RBKS: variants seen among roughly 807,000 people sequenced by gnomAD.
RBKS encodes the protein ribokinase.
RBKS carries 33 observed loss-of-function variants against 33.9 expected under a neutral mutation model. The observed-to-expected ratio is 0.97, with a 90% confidence interval of 0.74 to 1.30. The LOEUF is 1.30. RBKS is among the 50% of genes most tolerant of loss of function. The pLI is 0.00. For missense variants in RBKS, 361 were observed against 392.6 expected (o/e 0.92, Z 0.68); for synonymous variants, 125 against 143.0 (o/e 0.87, Z 0.90).
At chr2:27,798,267 C>T (rs1677697796) in intron 7 of RBKS, among the ~76,000 whole-genome samples, 1 of 152,102 alleles carries the variant, frequency 6.6e-6, no homozygotes, top group Admixed American at 6.6e-5. Context: ...CCCAGACTCT[C>T]CTCTGTCTTT....
At chr2:27,790,339 G>A (rs1677498838) in intron 7 of RBKS, among the ~76,000 whole-genome samples, 1 of 152,114 alleles carries the variant, frequency 6.6e-6, no homozygotes, top group African/African-American at 2.4e-5. Flanking sequence ...AAATGTAAGA[G>A]TTGAAACAAC....
intron 5 of RBKS, 131 bp from the exon 6 acceptor site, chr2:27,832,908 C>T (rs1347341868): frequency 1.2e-5 from 8 of 646,904 alleles, no homozygotes; most frequent in Non-Finnish European, 2.2e-5. Context: ...CACTTAGTTA[C>T]GGATGTAGAG....
At chr2:27,784,571 A>G (rs1261057548) in intron 7 of RBKS, among the ~76,000 whole-genome samples, 1 of 152,232 alleles carries the variant, frequency 6.6e-6, no homozygotes, top group African/African-American at 2.4e-5. Flanking sequence ...TGCCTCTGCC[A>G]GAAGGGAGTC....
intron 2 of RBKS, among the ~76,000 whole-genome samples, chr2:27,851,849 A>G (rs932311687): frequency 5.3e-5 from 8 of 152,158 alleles, no homozygotes; most frequent in African/African-American, 1.7e-4. Context: ...GTCATGTTCC[A>G]TTCTTGAAGG....
rs1664557597 is a variant in RBKS at position 27,887,420 on chromosome 2, T to C, written c.89+2837A>G. ...AGTAAAAAAATAAACTTGCGTTAAT[T>C]ATTAAATTTGGTAATTTGTTACAGC... On this transcript the variant is annotated intron_variant, in intron 1 of 7. Coordinates refer to ENST00000302188, the MANE Select transcript of RBKS (RefSeq NM_022128.3). Among the ~76,000 whole-genome samples the C allele has an allele frequency of 2.0e-5, 3 of 152,364 alleles. No homozygotes were observed. The Middle Eastern group carries it at 0.01, about 518-fold the overall frequency.
chr2:27,845,519 T>C (rs1203828716), intron 4 of RBKS, among the ~76,000 whole-genome samples: 1 of 145,172 alleles, frequency 6.9e-6, no homozygotes, highest in Non-Finnish European at 1.5e-5. Flanking sequence ...AACTTGAGGA[T>C]AGTCCTAGAA....
intron 5 of RBKS, among the ~76,000 whole-genome samples, chr2:27,842,128 T>C (rs937440349): frequency 2.0e-5 from 3 of 152,176 alleles, no homozygotes; most frequent in Non-Finnish European, 4.4e-5. Flanking sequence ...ACCACGAAGC[T>C]GACAAGGGAC....
chr2:27,864,960 A>G (rs1235463792), intron 1 of RBKS, among the ~76,000 whole-genome samples: 2 of 152,170 alleles, frequency 1.3e-5, no homozygotes, highest in Admixed American at 1.3e-4. Context: ...AGGAAAACAA[A>G]TTATCTTGGG....
chr2:27,865,102 C>G (rs1664066868), intron 1 of RBKS, among the ~76,000 whole-genome samples: 1 of 152,142 alleles, frequency 6.6e-6, no homozygotes, highest in Non-Finnish European at 1.5e-5. Flanking sequence ...GGGCAGATCA[C>G]GAGGTCAGGA....
chr2:27,800,393 C>CT (rs1385810371), intron 7 of RBKS, among the ~76,000 whole-genome samples: 1 of 152,182 alleles, frequency 6.6e-6, no homozygotes, highest in Non-Finnish European at 1.5e-5. Context: ...TCACCACTTA[C>CT]TAGCTGTGTG....
At chr2:27,872,566 T>C (rs1664237356) in intron 1 of RBKS, among the ~76,000 whole-genome samples, 1 of 152,150 alleles carries the variant, frequency 6.6e-6, no homozygotes, top group African/African-American at 2.4e-5. Flanking sequence ...TAACTCACTT[T>C]AATCAAAAGG....
chr2:27,810,132 G>A lies in RBKS; in HGVS notation c.795+17435C>T. On this transcript the variant is annotated intron_variant, in intron 7 of 7. Transcript: ENST00000302188. The surrounding 1 kb of genome is among the most constrained non-coding windows in gnomAD (Gnocchi z 4.4). ...GTGTGGATGATTCACAACCAACTGT[G>A]TATGTCTTGGCTGGTGCACCTGGTA... The A allele has an allele frequency of 1.6e-6, 2 of 1,287,520 alleles. No homozygotes were observed. The allele number at this position is 1,287,520 out of a possible 1,614,324, so 79.8% of individuals were successfully genotyped here.
intron 5 of RBKS, among the ~76,000 whole-genome samples, chr2:27,836,098 C>T (rs1020631725): frequency 1.3e-5 from 2 of 151,940 alleles, no homozygotes; most frequent in East Asian, 3.9e-4. Context: ...CTTGTTAGTC[C>T]CAGCTACTTG....
At chr2:27,873,550 G>C (rs886671245) in intron 1 of RBKS, among the ~76,000 whole-genome samples, 1 of 152,146 alleles carries the variant, frequency 6.6e-6, no homozygotes, top group African/African-American at 2.4e-5. Context: ...AGAGTATTTG[G>C]TTGAAAATTT....
chr2:27,801,966 AT>A (rs35552104), intron 7 of RBKS, among the ~76,000 whole-genome samples: 13 of 54,806 alleles, frequency 2.4e-4, no homozygotes, highest in East Asian at 4.6e-4. Flanking sequence ...AAAAAAAAAT[AT>A]ATATATATAT....
At position 27,837,966 on chromosome 2, in the gene RBKS, G is replaced by C. The variant is rs1486746707; in HGVS notation, c.514+5101C>G. On this transcript the variant is annotated intron_variant, in intron 5 of 7. Coordinates refer to ENST00000302188, the MANE Select transcript of RBKS (RefSeq NM_022128.3). This position sits in a 1 kb window ranked among gnomAD's most constrained non-coding sequence, Gnocchi z 4.0. ...TGTAATCCCAGTACTTTGGGAGGTT[G>C]AGGCAGGTGGATCACCTGAGGTAAG... Among the ~76,000 whole-genome samples the C allele has an allele frequency of 1.3e-5, 2 of 152,164 alleles. No homozygotes were observed. Among genetic ancestry groups the C allele is most frequent in the East Asian group, 3.8e-4 (2 of 5,198 alleles).
chr2:27,832,597 A>T, intron 6 of RBKS, 89 bp downstream of exon 6: 1 of 822,592 alleles, frequency 1.2e-6, no homozygotes, highest in Admixed American at 2.2e-5. Flanking sequence ...CACGTCATCA[A>T]ATTGATGTGG....
intron 1 of RBKS, among the ~76,000 whole-genome samples, chr2:27,868,364 A>G (rs1664139188): frequency 6.6e-6 from 1 of 152,182 alleles, no homozygotes; most frequent in Non-Finnish European, 1.5e-5. Flanking sequence ...TTTTAGGGAA[A>G]AAGTGAGAGT....
At chr2:27,875,275 T>G (rs1573077604) in intron 1 of RBKS, among the ~76,000 whole-genome samples, 1 of 152,334 alleles carries the variant, frequency 6.6e-6, no homozygotes, top group Non-Finnish European at 1.5e-5. Context: ...CAGCCAGGTA[T>G]GGTGTCTCAC....
Sources: gnomAD v4.1 joint callset for allele counts (sites outside exome capture counted in the v4.1 genomes callset) on GRCh38, gnomAD v4.1.1 for gene constraint, Gnocchi (gnomAD v3.1) non-coding constraint, MANE v1.5 for transcripts, NCBI Gene and HGNC (gene_info 2026-07-23, HGNC 2026-07-21) for gene names.